NTRK3: variants seen among roughly 807,000 people sequenced by gnomAD.
The protein encoded by NTRK3 is neurotrophic receptor tyrosine kinase 3.
In NTRK3, 24 loss-of-function variants were observed where a neutral mutation model predicts 91.7. That is an observed-to-expected ratio of 0.26 (90% CI 0.19 to 0.37). The LOEUF is 0.37. NTRK3 is among the 10% of genes least tolerant of loss of function. The pLI, the probability that NTRK3 is intolerant of heterozygous loss-of-function variation, is 1.00. For missense variants in NTRK3, 880 were observed against 1,068.9 expected (o/e 0.82, Z 2.46); for synonymous variants, 483 against 404.0 (o/e 1.20, Z -2.34).
chr15:88,000,331 G>A (rs1015018929), intron 14 of NTRK3, among the ~76,000 whole-genome samples: 1 of 152,220 alleles, frequency 6.6e-6, no homozygotes, highest in Non-Finnish European at 1.5e-5. Context: ...AGGAGCTCAT[G>A]CAAGGTCAGG....
intron 5 of NTRK3, among the ~76,000 whole-genome samples, chr15:88,153,523 G>T (rs753059410): frequency 2.1e-4 from 32 of 152,138 alleles, no homozygotes; most frequent in Admixed American, 6.5e-5. Context: ...CCAAAGTGCT[G>T]GGATTACAGG....
At chr15:88,250,141 T>C (rs2053206686) in intron 3 of NTRK3, among the ~76,000 whole-genome samples, 1 of 152,164 alleles carries the variant, frequency 6.6e-6, no homozygotes, top group Non-Finnish European at 1.5e-5. Context: ...CACATTTCTG[T>C]CTTCCTCTCT....
chr15:87,905,424 C>A (rs1051437290), intron 17 of NTRK3, among the ~76,000 whole-genome samples: 2 of 152,092 alleles, frequency 1.3e-5, no homozygotes, highest in African/African-American at 4.8e-5. Flanking sequence ...AGGAGGTTAC[C>A]ATATTATGCG....
chr15:88,136,572 G>T (rs767789126), exon 8 of NTRK3: 1 of 1,613,602 alleles, frequency 6.2e-7, no homozygotes, highest in East Asian at 2.2e-5. Flanking sequence ...CCTCTCGTAC[G>T]GTCAGGTTGA....
At chr15:87,912,606 T>G (rs149281131) in intron 17 of NTRK3, among the ~76,000 whole-genome samples, 2 of 151,350 alleles carry the variant, frequency 1.3e-5, no homozygotes, top group African/African-American at 4.9e-5. Flanking sequence ...AGGTGTGTGA[T>G]CTTGAGGGAC....
intron 17 of NTRK3, among the ~76,000 whole-genome samples, chr15:87,904,371 T>C (rs945885510): frequency 1.3e-5 from 2 of 151,950 alleles, no homozygotes; most frequent in African/African-American, 2.4e-5. Flanking sequence ...TTGGACAAGA[T>C]GGTCTTGATC....
intron 17 of NTRK3, among the ~76,000 whole-genome samples, chr15:87,881,714 C>T (rs955199555): frequency 6.6e-6 from 1 of 151,400 alleles, no homozygotes. Context: ...CCACCGCGCC[C>T]GGCCTAAAGT....
chr15:88,066,984 G>A (rs1234347200), intron 13 of NTRK3, among the ~76,000 whole-genome samples: 1 of 152,042 alleles, frequency 6.6e-6, no homozygotes, highest in Non-Finnish European at 1.5e-5. Context: ...AACTTAAAAG[G>A]CTCAACCTTG....
chr15:87,902,920 C>T (rs1434288423), intron 17 of NTRK3, among the ~76,000 whole-genome samples: 1 of 152,144 alleles, frequency 6.6e-6, no homozygotes, highest in South Asian at 2.1e-4. Context: ...TTGCTCCTTC[C>T]CCACCCTACA....
In NTRK3 at chr15:88,006,691, C is replaced by T. The variant is rs533067993; in HGVS notation, c.1585+26166G>A. ...GTAAAAGAAAACGGGCTAGTACATC[C>T]GTAGCTTGAACACTGAGGTTTGTGG... On this transcript the variant is annotated intron_variant, in intron 14 of 18. Coordinates refer to ENST00000394480, the Ensembl canonical transcript of NTRK3. Among the ~76,000 whole-genome samples the T allele has an allele frequency of 1.8e-3, 278 of 152,286 alleles. 2 individuals carry two copies. Among genetic ancestry groups the T allele is most frequent in the African/African-American group, 6.4e-3 (268 of 41,560 alleles).
chr15:88,048,244 T>C (rs2080437309), intron 13 of NTRK3, among the ~76,000 whole-genome samples: 1 of 152,180 alleles, frequency 6.6e-6, no homozygotes, highest in African/African-American at 2.4e-5. Context: ...CCACTTGTCC[T>C]CTGGCTCCAA....
intron 13 of NTRK3, among the ~76,000 whole-genome samples, chr15:88,119,021 T>G (rs909220178): frequency 1.3e-5 from 2 of 152,180 alleles, no homozygotes; most frequent in African/African-American, 2.4e-5. Flanking sequence ...AGGAAAAATA[T>G]TTTGCATCAG....
intron 14 of NTRK3, among the ~76,000 whole-genome samples, chr15:87,975,690 C>T (rs1050984112): frequency 2.0e-5 from 3 of 152,142 alleles, no homozygotes; most frequent in Non-Finnish European, 2.9e-5. Context: ...ACATGGAAAA[C>T]GGAGGCCTAG....
At chr15:88,090,943 C>T (rs1292714493) in intron 13 of NTRK3, among the ~76,000 whole-genome samples, 2 of 152,204 alleles carry the variant, frequency 1.3e-5, no homozygotes, top group East Asian at 3.8e-4. Context: ...CGTGCTCAAG[C>T]CATCTGACCA....
At chr15:88,137,176 C>T (rs1267965394) in intron 7 of NTRK3, among the ~76,000 whole-genome samples, 1 of 152,210 alleles carries the variant, frequency 6.6e-6, no homozygotes, top group Non-Finnish European at 1.5e-5. Context: ...CATTTAACTC[C>T]TGTGTGAATT....
In NTRK3 at chr15:87,992,132, C is replaced by T. The variant is rs568422458; in HGVS notation, c.1585+40725G>A. ...ATCATATCAATAAAAATTCCATTCA[C>T]CAATCACTCAGAAGCCACCAGTGAC... is the stretch of plus-strand genomic sequence containing the variant. On this transcript the variant is annotated intron_variant, in intron 14 of 18. Transcript: ENST00000394480. Among the ~76,000 whole-genome samples the T allele has an allele frequency of 9.9e-5, 15 of 152,258 alleles. No homozygotes were observed. The South Asian group carries it at 1.9e-3, about 19-fold the overall frequency.
At chr15:88,035,406 T>A (rs553553671) in intron 13 of NTRK3, among the ~76,000 whole-genome samples, 13 of 152,324 alleles carry the variant, frequency 8.5e-5, no homozygotes, top group East Asian at 1.9e-4. Context: ...CCCTTCTTCC[T>A]GCAACCCTGC....
chr15:88,034,395 G>A (rs2078885264), intron 13 of NTRK3, among the ~76,000 whole-genome samples: 2 of 152,188 alleles, frequency 1.3e-5, no homozygotes, highest in African/African-American at 4.8e-5. Flanking sequence ...AGCCCAAGAT[G>A]GCAAAGATAA....
At chr15:87,991,329 AC>A (rs2141490772) in intron 14 of NTRK3, among the ~76,000 whole-genome samples, 1 of 152,182 alleles carries the variant, frequency 6.6e-6, no homozygotes, top group African/African-American at 2.4e-5. Context: ...TCCATCCAAA[AC>A]CTACCGGATT....
Sources: allele counts gnomAD v4.1 joint callset (sites outside exome capture counted in the v4.1 genomes callset), GRCh38; gene constraint gnomAD v4.1.1; transcripts MANE v1.5; gene names NCBI Gene and HGNC (gene_info 2026-07-23, HGNC 2026-07-21).